The following NOS1 variants were observed in gnomAD, a reference collection of about 807,000 sequenced individuals.
The protein encoded by NOS1 is nitric oxide synthase 1.
Under a neutral mutation model 164.5 loss-of-function variants are expected in NOS1, and 51 were observed. The ratio of observed to expected loss-of-function variants is 0.31; its 90% CI spans 0.25 to 0.39. The LOEUF is 0.39. Ranked by LOEUF, NOS1 falls within the 10% of genes least tolerant of loss-of-function variation. The pLI, the probability that NOS1 is intolerant of heterozygous loss-of-function variation, is 1.00. For missense variants in NOS1, 1,362 were observed against 1,885.6 expected (o/e 0.72, Z 5.14); for synonymous variants, 719 against 745.8 (o/e 0.96, Z 0.59).
rs981976811 is a variant in NOS1 at position 117,208,273 on chromosome 12, C to T, written c.*7036G>A. ...GACAAACACAGCCTGGACAACCTCG[C>T]AAAGAGCGTGGGGTGGGCGTCAGTC... On this transcript the variant is annotated 3_prime_UTR_variant, in exon 29 of 29. Transcript: ENST00000317775. 3.1e-6 allele frequency: 4 copies of T among 1,287,282 alleles called. No individual in the cohort carries two copies. In the African/African-American group the frequency reaches 6.1e-5, roughly 20 times the overall value. The allele number at this position is 1,287,282 out of a possible 1,614,324, so 79.7% of individuals were successfully genotyped here.
rs199877374 is a variant in NOS1 at position 117,220,279 on chromosome 12, G to T, written c.3976-10C>A. The T allele has an allele frequency of 4.8e-5, 77 of 1,598,104 alleles. No homozygotes were observed. Among genetic ancestry groups the T allele is most frequent in the Non-Finnish European group, 6.2e-5 (73 of 1,175,938 alleles). On this transcript the variant is annotated splice_polypyrimidine_tract_variant and intron_variant, in intron 26 of 28. Transcript: ENST00000317775. ...TGTCCTGCACGTACTTCTGCAAGGA[G>T]CAGAGAGCAGTGAGAAGGGGCTGGG...
rs2135912320 is a variant in NOS1 at position 117,213,581 on chromosome 12, T to C, written c.*1728A>G. The C allele has an allele frequency of 1.0e-6, 1 of 985,362 alleles. No individual in the cohort carries two copies. Among genetic ancestry groups the C allele is most frequent in the East Asian group, 1.1e-4 (1 of 8,816 alleles). 61.0% of individuals were successfully genotyped at this position (985,362 alleles called of 1,614,324 possible). On this transcript the variant is annotated 3_prime_UTR_variant, in exon 29 of 29. Coordinates refer to ENST00000317775, the MANE Select transcript of NOS1 (RefSeq NM_000620.5). ...GTCTCCTGGCCTGGGCCCTTTGGGG[T>C]CTTGGTGCCCCCACTGTAAAGCCCT...
intron 3 of NOS1, among the ~76,000 whole-genome samples, chr12:117,299,366 C>T (rs907930658): frequency 2.6e-5 from 4 of 152,096 alleles, no homozygotes; most frequent in African/African-American, 9.6e-5. Flanking sequence ...TGGCCGGGCG[C>T]GGTGGCTCAC....
chr12:117,227,166 G>A (rs1416569225), intron 23 of NOS1, among the ~76,000 whole-genome samples: 1 of 152,110 alleles, frequency 6.6e-6, no homozygotes, highest in Non-Finnish European at 1.5e-5. Context: ...AGTGAGTAGT[G>A]GTGGCTTGTT....
Position 117,209,969 on chromosome 12 carries a change from T to G in NOS1, c.*5340A>C. On this transcript the variant is annotated 3_prime_UTR_variant, in exon 29 of 29. Transcript: ENST00000317775. ...GTGTTTCCTTAATCCCAGCACCTGG[T>G]CTTTCATTTTAATTTTTTTTAGAGA... 2.0e-6 allele frequency: 2 copies of G among 985,318 alleles called. No individual in the cohort carries two copies. The highest frequency in any genetic ancestry group is 2.4e-6 in the Non-Finnish European group (2 of 829,994). The allele number at this position is 985,318 out of a possible 1,614,324, so 61.0% of individuals were successfully genotyped here. A position where few individuals can be genotyped will look rare whatever the true frequency, so the allele number is the denominator to read the frequency against.
intron 1 of NOS1, among the ~76,000 whole-genome samples, chr12:117,343,480 T>A (rs548688225): frequency 1.3e-5 from 2 of 152,338 alleles, no homozygotes; most frequent in South Asian, 4.1e-4. Context: ...ATTCCAAGCT[T>A]TGCCATTTAT....
At chr12:117,281,014 G>C in intron 7 of NOS1, 148 bp from the exon 8 acceptor site, 1 of 806,248 alleles carries the variant, frequency 1.2e-6, no homozygotes, top group Non-Finnish European at 1.9e-6. Flanking sequence ...ATGGAGCAGC[G>C]GTCGGAAGGG....
intron 3 of NOS1, among the ~76,000 whole-genome samples, chr12:117,295,330 A>G (rs1873336932): frequency 6.6e-6 from 1 of 152,232 alleles, no homozygotes; most frequent in African/African-American, 2.4e-5. Flanking sequence ...ATTTTGTGAC[A>G]CACAAAAGTT....
rs80112661 is a variant in NOS1, at chr12:117,308,067, C to T, written c.852+3399G>A. On this transcript the variant is annotated intron_variant, in intron 3 of 28. Coordinates refer to ENST00000317775, the MANE Select transcript of NOS1 (RefSeq NM_000620.5). ...TAACTTTCCTCCTAGTATAAGAAAT[C>T]AAAAGCACTAATGCTATTATAAATG... Among the ~76,000 whole-genome samples, 17 of 152,006 alleles carry T rather than the reference C, an allele frequency of 1.1e-4. No homozygotes were observed. In the East Asian group the frequency reaches 3.3e-3, roughly 29 times the overall value.
At chr12:117,313,100 T>C (rs931350618) in intron 2 of NOS1, among the ~76,000 whole-genome samples, 1 of 152,152 alleles carries the variant, frequency 6.6e-6, no homozygotes, top group Non-Finnish European at 1.5e-5. Flanking sequence ...TGCCATCACC[T>C]TCATTAGCAG....
chr12:117,319,354 AG>A (rs1312094063), intron 2 of NOS1, among the ~76,000 whole-genome samples: 2 of 152,216 alleles, frequency 1.3e-5, no homozygotes, highest in South Asian at 4.1e-4. Context: ...CCTGGCCAAA[AG>A]TATGCTTTCA....
chr12:117,246,550 C>A (rs1251881466), intron 18 of NOS1, among the ~76,000 whole-genome samples: 1 of 152,106 alleles, frequency 6.6e-6, no homozygotes, highest in Non-Finnish European at 1.5e-5. Context: ...GTTATGCAAC[C>A]CTTCCCATTA....
In NOS1 at chr12:117,296,629, G is replaced by A. The variant is rs140034349; in HGVS notation, c.853-6203C>T. 1.6e-3 allele frequency among the ~76,000 whole-genome samples: 208 copies of A among 133,234 alleles called. 3 individuals carry two copies. In the East Asian group the frequency reaches 0.041, roughly 26 times the overall value. 87.4% of individuals were successfully genotyped at this position (133,234 alleles called of 152,430 possible). On this transcript the variant is annotated intron_variant, in intron 3 of 28. Transcript: ENST00000317775. ...TATTGTGGGACCTCACCTTGTGTTC[G>A]TGTGAGTTAATACTCCTTAATAAAC...
At position 117,265,497 on chromosome 12, in the gene NOS1, G is replaced by A; in HGVS notation, c.1955C>T (p.Thr652Ile). 6.5e-7 allele frequency: 1 copy of A among 1,544,244 alleles called. No homozygotes were observed. Among genetic ancestry groups the A allele is most frequent in the Non-Finnish European group, 8.8e-7 (1 of 1,141,722 alleles). ...VLYSFQSDKV[T>I]IVDHHSATES... The stretch of plus-strand genomic sequence containing the variant: ...GGTGGCGGAGTGATGGTCAACAATG[G>A]TCACTTTGTCACTCTGTGGGAGGAG... The change falls in exon 12 of 29, where the codon ACC becomes ATC. Residue 652 changes from threonine to isoleucine, a missense_variant. By Grantham distance (89) the Thr-to-Ile change is moderately conservative. Around this residue, in one of 4 missense-constraint regions of NOS1, gnomAD observed 737 missense variants for 1,030.3 expected, o/e 0.72. Coordinates refer to ENST00000317775, the MANE Select transcript of NOS1 (RefSeq NM_000620.5).
chr12:117,301,062 T>A (rs1593004226), intron 3 of NOS1, among the ~76,000 whole-genome samples: 3 of 152,160 alleles, frequency 2.0e-5, no homozygotes, highest in Admixed American at 2.0e-4. Context: ...TTTCAGAAGT[T>A]GAGGTGCATA....
chr12:117,271,220 C>G (rs1196327117), intron 10 of NOS1, among the ~76,000 whole-genome samples: 1 of 151,976 alleles, frequency 6.6e-6, no homozygotes, highest in Non-Finnish European at 1.5e-5. Context: ...AGATACCCTC[C>G]GATGTGTGGC....
chr12:117,277,964 G>A lies in NOS1; in HGVS notation c.1659C>T (p.His553=). Reference sequence around the variant, plus strand: ...CCCTTGCCAGTCCCTCTTACTTGGGGTGCCTGATGGGAACTTCCAACACCA... The same window carrying A: ...CCCTTGCCAGTCCCTCTTACTTGGGATGCCTGATGGGAACTTCCAACACCA... The part of the protein sequence containing the change: ...PELVLEVPIR[H]PKFEWFKDLG... The change falls in exon 9 of 29, where the codon CAC becomes CAT. Residue 553 remains histidine, a synonymous_variant. Coordinates refer to ENST00000317775, the MANE Select transcript of NOS1 (RefSeq NM_000620.5). 1.2e-6 allele frequency: 2 copies of A among 1,610,838 alleles called. No individual in the cohort carries two copies. The highest frequency in any genetic ancestry group is 1.7e-6 in the Non-Finnish European group (2 of 1,177,670).
intron 2 of NOS1, among the ~76,000 whole-genome samples, chr12:117,329,538 G>C (rs1444846609): frequency 6.6e-6 from 1 of 151,514 alleles, no homozygotes; most frequent in African/African-American, 2.4e-5. Context: ...ATGGAAGGGG[G>C]ACAGAGAAAC....
At chr12:117,302,320 C>A (rs562060783) in intron 3 of NOS1, among the ~76,000 whole-genome samples, 1 of 152,210 alleles carries the variant, frequency 6.6e-6, no homozygotes, top group Admixed American at 6.5e-5. Context: ...TGTCGGCCGG[C>A]GCGGTGGCTC....
Sources: gnomAD v4.1 joint callset for allele counts (sites outside exome capture counted in the v4.1 genomes callset) on GRCh38, gnomAD v4.1.1 for gene constraint, gnomAD v4.1.1 regional missense constraint, MANE v1.5 for transcripts, NCBI Gene and HGNC (gene_info 2026-07-23, HGNC 2026-07-21) for gene names.